C8orf89: variants seen among roughly 807,000 people sequenced by gnomAD.
C8orf89 encodes the protein chromosome 8 open reading frame 89.
In C8orf89, 14 loss-of-function variants were observed where a neutral mutation model predicts 15.8. The ratio of observed to expected loss-of-function variants is 0.89; its 90% confidence interval spans 0.59 to 1.39. The LOEUF is 1.39. C8orf89 is among the 40% of genes most tolerant of loss of function. The probability of loss-of-function intolerance (pLI) is 0.00; values close to 1 mark genes in which losing one functional copy is unlikely to be tolerated. For synonymous variants in C8orf89, 55 were observed against 62.2 expected (o/e 0.88, Z 0.54); for missense variants, 181 against 184.5 (o/e 0.98, Z 0.11).
At chr8:73,263,569 C>G (rs1438398309), upstream of C8orf89, among the ~76,000 whole-genome samples, 2 of 152,082 alleles carry the variant, frequency 1.3e-5, no homozygotes, top group East Asian at 3.9e-4. Flanking sequence ...CCTTTTATCA[C>G]CTAGCTTAGA....
At chr8:73,241,914 G>A (rs557752397) in intron 3 of C8orf89, among the ~76,000 whole-genome samples, 1 of 151,936 alleles carries the variant, frequency 6.6e-6, no homozygotes, top group Non-Finnish European at 1.5e-5. Flanking sequence ...GGGAAAACTG[G>A]GTATTATGGA....
the C8orf89 span, among the ~76,000 whole-genome samples, chr8:73,283,062 C>T: frequency 6.6e-6 from 1 of 152,050 alleles, no homozygotes; most frequent in East Asian, 1.9e-4. Context: ...TCTACTTACA[C>T]GTGAGAAATA....
the C8orf89 span, among the ~76,000 whole-genome samples, chr8:73,282,216 TAAAG>T: frequency 4.6e-5 from 7 of 152,000 alleles, no homozygotes; most frequent in Non-Finnish European, 1.0e-4. Context: ...CAAAAATAAC[TAAAG>T]AGAGATTCTG....
intron 3 of C8orf89, among the ~76,000 whole-genome samples, chr8:73,248,018 C>T (rs925837887): frequency 1.3e-5 from 2 of 152,128 alleles, no homozygotes; most frequent in Non-Finnish European, 2.9e-5. Context: ...TTTGCCTGTT[C>T]CTATGTCTAG....
the C8orf89 span, among the ~76,000 whole-genome samples, chr8:73,276,035 A>C: frequency 6.6e-6 from 1 of 151,938 alleles, no homozygotes; most frequent in African/African-American, 2.4e-5. Flanking sequence ...ATATAAGCTT[A>C]TTTCTGTTTG....
the C8orf89 span, among the ~76,000 whole-genome samples, chr8:73,274,295 GCACCCGC>G: frequency 6.6e-6 from 1 of 152,020 alleles, no homozygotes; most frequent in East Asian, 1.9e-4. Flanking sequence ...GGGACTACAG[GCACCCGC>G]CACCACGCCT....
chr8:73,255,385 C>A (rs1160496839), intron 2 of C8orf89, among the ~76,000 whole-genome samples: 1 of 151,066 alleles, frequency 6.6e-6, no homozygotes, highest in African/African-American at 2.4e-5. Flanking sequence ...CCATCACTGG[C>A]CATCAGAGAA....
Position 73,254,051 on chromosome 8 carries a change from A to G in C8orf89, c.281+2922T>C, listed in dbSNP as rs568882377. Among the ~76,000 whole-genome samples the G allele has an allele frequency of 7.9e-5, 12 of 152,266 alleles. No homozygotes were observed. In the East Asian group the frequency reaches 2.1e-3, roughly 27 times the overall value. ...TGCTTCCAGTTTTTGCCCATTCACT[A>G]TGATATTGGCTGTGGGTTTGTCATA... is the stretch of plus-strand genomic sequence containing the variant. On this transcript the variant is annotated intron_variant, in intron 2 of 3. Coordinates refer to ENST00000624510, the MANE Select transcript of C8orf89 (RefSeq NM_001243237.3).
At chr8:73,263,777 A>G (rs932105983), upstream of C8orf89, among the ~76,000 whole-genome samples, 1 of 152,194 alleles carries the variant, frequency 6.6e-6, no homozygotes, top group African/African-American at 2.4e-5. Context: ...GAATGAACCA[A>G]GTTTATTTCA....
chr8:73,269,024 A>C, the C8orf89 span, among the ~76,000 whole-genome samples: 1 of 152,192 alleles, frequency 6.6e-6, no homozygotes, highest in Non-Finnish European at 1.5e-5. Context: ...GAACTTAGCC[A>C]TGTGGTCACA....
At chr8:73,259,894 A>T (rs116175657), upstream of C8orf89, among the ~76,000 whole-genome samples, 162 of 152,350 alleles carry the variant, frequency 1.1e-3, no homozygotes, top group African/African-American at 3.7e-3. Flanking sequence ...CATATACATT[A>T]TCTATTACAT....
At chr8:73,250,245 GA>G in intron 3 of C8orf89, 22 bp downstream of exon 3, 3 of 1,513,506 alleles carry the variant, frequency 2.0e-6, no homozygotes, top group African/African-American at 2.8e-5. Context: ...AGAGGTAGTA[GA>G]AAAAAGGACG....
chr8:73,261,367 GA>G (rs906110316), upstream of C8orf89, among the ~76,000 whole-genome samples: 3 of 152,090 alleles, frequency 2.0e-5, no homozygotes, highest in African/African-American at 7.2e-5. Flanking sequence ...GAGGGAAGGG[GA>G]AAAACAAGAA....
At chr8:73,264,960 C>T in the C8orf89 span, among the ~76,000 whole-genome samples, 1 of 152,142 alleles carries the variant, frequency 6.6e-6, no homozygotes, top group South Asian at 2.1e-4. Context: ...TGTATCACAG[C>T]TATGGTATCC....
the C8orf89 span, among the ~76,000 whole-genome samples, chr8:73,269,657 A>G: frequency 6.6e-6 from 1 of 152,232 alleles, no homozygotes; most frequent in African/African-American, 2.4e-5. Flanking sequence ...GCAATCATCT[A>G]TTCAGCATTC....
chr8:73,267,986 C>G, the C8orf89 span, among the ~76,000 whole-genome samples: 1 of 152,082 alleles, frequency 6.6e-6, no homozygotes, highest in East Asian at 1.9e-4. Context: ...TCTGATGAAG[C>G]CTTTAGATCT....
the C8orf89 span, among the ~76,000 whole-genome samples, chr8:73,271,688 C>G: frequency 6.6e-6 from 1 of 152,104 alleles, no homozygotes; most frequent in Non-Finnish European, 1.5e-5. Context: ...AACTAAATGC[C>G]TAGTGTATTA....
chr8:73,271,367 G>T, the C8orf89 span, among the ~76,000 whole-genome samples: 1 of 152,146 alleles, frequency 6.6e-6, no homozygotes, highest in African/African-American at 2.4e-5. Flanking sequence ...TCCTGGCAGT[G>T]GGTGAGTTCT....
intron 2 of C8orf89, among the ~76,000 whole-genome samples, chr8:73,251,293 G>A (rs930881798): frequency 2.0e-5 from 3 of 152,092 alleles, no homozygotes; most frequent in Non-Finnish European, 4.4e-5. Context: ...AGAGAGTAAG[G>A]GGTTGTACAT....
Sources: allele counts gnomAD v4.1 joint callset (sites outside exome capture counted in the v4.1 genomes callset), GRCh38; gene constraint gnomAD v4.1.1; transcripts MANE v1.5; gene names NCBI Gene and HGNC (gene_info 2026-07-23, HGNC 2026-07-21).